Variants in ATP6V0D1 observed in about 807,000 individuals in gnomAD.
The protein encoded by ATP6V0D1 is V-type proton ATPase subunit d 1.
In ATP6V0D1, 13 loss-of-function variants were observed where a neutral mutation model predicts 39.0. The ratio of observed to expected loss-of-function variants is 0.33; its 90% CI spans 0.22 to 0.53. ATP6V0D1 has a LOEUF of 0.53. Among genes scored for constraint, ATP6V0D1 ranks in the 20% least tolerant of loss-of-function variants. The pLI, the probability that ATP6V0D1 is intolerant of heterozygous loss-of-function variation, is 0.94. For missense variants in ATP6V0D1, 272 were observed against 470.9 expected, an observed-to-expected ratio of 0.58 and a Z score of 3.91; for synonymous variants, 191 against 191.2, an observed-to-expected ratio of 1.00 and a Z score of 0.01.
chr16:67,465,370 G>A (rs1597580960), intron 1 of ATP6V0D1, among the ~76,000 whole-genome samples: 1 of 152,336 alleles, frequency 6.6e-6, no homozygotes, highest in East Asian at 1.9e-4. Context: ...CTCAGAGGGA[G>A]TGCCAAATGA....
chr16:67,439,180 G>C, intron 5 of ATP6V0D1, 33 bp from the exon 6 acceptor site: 5 of 1,613,572 alleles, frequency 3.1e-6, no homozygotes, highest in Non-Finnish European at 4.2e-6. Flanking sequence ...AGAAGAGAGG[G>C]AGGAAGAAGG....
intron 1 of ATP6V0D1, among the ~76,000 whole-genome samples, chr16:67,465,680 A>C (rs2041323476): frequency 6.6e-6 from 1 of 152,218 alleles, no homozygotes; most frequent in Non-Finnish European, 1.5e-5. Context: ...TGCACTGGGC[A>C]CCAAGGCAAA....
chr16:67,477,194 A>G (rs1465896102), intron 1 of ATP6V0D1, among the ~76,000 whole-genome samples: 1 of 152,132 alleles, frequency 6.6e-6, no homozygotes, highest in African/African-American at 2.4e-5. Flanking sequence ...AGATGGGATC[A>G]GTAAAATTGA....
Position 67,480,997 on chromosome 16 carries a change from C to T in ATP6V0D1, c.90G>A (p.Gln30=). The part of the protein sequence containing the change: ...VRGLKAGVLS[Q]ADYLNLVQCE... ...ACTGCACCAGGTTGAGGTAGTCGGC[C>T]TGGCTGAGCACCCCGGCCTTCAGGC... Residue 30 remains glutamine (Q), a synonymous_variant, in exon 1 of 8, where the codon CAG becomes CAA. Coordinates refer to ENST00000290949, the MANE Select transcript of ATP6V0D1 (RefSeq NM_004691.5). 6.2e-7 allele frequency: 1 copy of T among 1,614,182 alleles called. No individual in the cohort carries two copies. Among genetic ancestry groups the T allele is most frequent in the Non-Finnish European group, 8.5e-7 (1 of 1,180,000 alleles).
chr16:67,438,919 G>C (rs72650138), intron 6 of ATP6V0D1, 49 bp from the exon 7 acceptor site: 2 of 1,613,374 alleles, frequency 1.2e-6, no homozygotes, highest in Non-Finnish European at 1.7e-6. Flanking sequence ...TCTGGGTGGG[G>C]GTGCTTGGTG....
chr16:67,472,664 G>A (rs1372420029), intron 1 of ATP6V0D1, among the ~76,000 whole-genome samples: 1 of 152,140 alleles, frequency 6.6e-6, no homozygotes, highest in Admixed American at 6.5e-5. Flanking sequence ...TCAGGAGATC[G>A]AGACCATCCT....
At chr16:67,443,266 G>C in intron 3 of ATP6V0D1, 88 bp from the exon 4 acceptor site, 1 of 1,368,606 alleles carries the variant, frequency 7.3e-7, no homozygotes, top group Non-Finnish European at 1.0e-6. Flanking sequence ...CAGAGTGCCC[G>C]TGCCACAAGG....
chr16:67,446,734 C>T (rs2041120903), intron 2 of ATP6V0D1, among the ~76,000 whole-genome samples: 1 of 152,182 alleles, frequency 6.6e-6, no homozygotes, highest in Non-Finnish European at 1.5e-5. Flanking sequence ...CCAATGTAGC[C>T]TTGGTGCTCC....
At chr16:67,459,926 G>A (rs1050967980) in intron 1 of ATP6V0D1, among the ~76,000 whole-genome samples, 2 of 152,246 alleles carry the variant, frequency 1.3e-5, no homozygotes, top group African/African-American at 2.4e-5. Flanking sequence ...CCTCATGGCC[G>A]GCCCATGGAG....
chr16:67,478,509 T>C (rs1302883198), intron 1 of ATP6V0D1, among the ~76,000 whole-genome samples: 1 of 150,498 alleles, frequency 6.6e-6, no homozygotes, highest in African/African-American at 2.5e-5. Context: ...AGCTACTCAG[T>C]AGGCTGAGGC....
intron 1 of ATP6V0D1, among the ~76,000 whole-genome samples, chr16:67,473,357 T>TC (rs1174311480): frequency 1.4e-5 from 2 of 147,256 alleles, no homozygotes; most frequent in Non-Finnish European, 3.0e-5. Flanking sequence ...TTTTAGGACT[T>TC]TTTTTTTTTT....
At position 67,447,858 on chromosome 16, in the gene ATP6V0D1, G is replaced by A. The variant is rs889855899; in HGVS notation, c.303-3152C>T. ...TGCTGGTGAGGCAGCCATGATGCCT[G>A]GGTAACCCTGCCAGCCTGTCCACTG... On this transcript the variant is annotated intron_variant, in intron 2 of 7. Transcript: ENST00000290949. The surrounding 1 kb of genome is among the most constrained non-coding windows in gnomAD (Gnocchi z 4.1). Among the ~76,000 whole-genome samples the A allele has an allele frequency of 6.6e-6, 1 of 152,202 alleles. No homozygotes were observed. The highest frequency in any genetic ancestry group is 1.5e-5 in the Non-Finnish European group (1 of 68,038).
intron 4 of ATP6V0D1, among the ~76,000 whole-genome samples, chr16:67,442,588 G>A (rs2041065791): frequency 6.6e-6 from 1 of 152,100 alleles, no homozygotes; most frequent in Non-Finnish European, 1.5e-5. Context: ...CTGGTGGGAG[G>A]CAAGAGGTGG....
At chr16:67,477,251 T>C (rs997528371) in intron 1 of ATP6V0D1, among the ~76,000 whole-genome samples, 1 of 152,126 alleles carries the variant, frequency 6.6e-6, no homozygotes, top group Non-Finnish European at 1.5e-5. Flanking sequence ...TCAATCTATA[T>C]ATTAAAATAC....
intron 1 of ATP6V0D1, among the ~76,000 whole-genome samples, chr16:67,475,928 T>C (rs55690650): frequency 0.025 from 3,830 of 152,290 alleles, 49 homozygotes; most frequent in Middle Eastern, 0.041. Flanking sequence ...AAGGTAAGAT[T>C]AGAACATATG....
intron 7 of ATP6V0D1, 41 bp from the exon 8 acceptor site, chr16:67,438,730 C>T: frequency 6.2e-7 from 1 of 1,614,040 alleles, no homozygotes; most frequent in Non-Finnish European, 8.5e-7. Flanking sequence ...TGGCCATGGC[C>T]ACAGAGTCAG....
intron 2 of ATP6V0D1, among the ~76,000 whole-genome samples, chr16:67,451,646 G>A (rs984378594): frequency 2.0e-5 from 3 of 152,370 alleles, no homozygotes; most frequent in African/African-American, 7.2e-5. Context: ...GGGCTGACAC[G>A]TGACTGCTGA....
At chr16:67,449,226 A>G (rs1233015293) in intron 2 of ATP6V0D1, among the ~76,000 whole-genome samples, 1 of 152,186 alleles carries the variant, frequency 6.6e-6, no homozygotes, top group Non-Finnish European at 1.5e-5. Flanking sequence ...GGCTCTGCCA[A>G]TGGGCACCTG....
chr16:67,444,510 AC>A lies in ATP6V0D1; in HGVS notation c.481+17del, dbSNP rs1173853418. 5.7e-6 allele frequency: 9 copies of A among 1,575,578 alleles called. No individual in the cohort carries two copies. The highest frequency in any genetic ancestry group is 7.8e-6 in the Non-Finnish European group (9 of 1,152,760). ...CTGACACCACTGCCCACCTCCCATG[AC>A]CACCACAGCGGCTCACCAAGAGGCG... On this transcript the variant is annotated intron_variant, in intron 3 of 7. Transcript: ENST00000290949. The surrounding 1 kb of genome is among the most constrained non-coding windows in gnomAD (Gnocchi z 4.8).
Sources: allele counts gnomAD v4.1 joint callset (sites outside exome capture counted in the v4.1 genomes callset), GRCh38; gene constraint gnomAD v4.1.1; non-coding constraint Gnocchi (gnomAD v3.1); transcripts MANE v1.5; gene names NCBI Gene and HGNC (gene_info 2026-07-23, HGNC 2026-07-21).